MGAT4C: variants seen among roughly 807,000 people sequenced by gnomAD.
MGAT4C encodes MGAT4 family member C.
In MGAT4C, 19 loss-of-function variants were observed where a neutral mutation model predicts 40.1. That is an observed-to-expected ratio of 0.47 (90% CI 0.33 to 0.70). The LOEUF (loss-of-function observed/expected upper bound fraction) is 0.70, where lower values mean the gene tolerates loss of function less well. MGAT4C is among the 30% of genes least tolerant of loss of function. MGAT4C has a pLI of 0.02. For missense variants in MGAT4C, 491 were observed against 563.2 expected (o/e 0.87, Z 1.30); for synonymous variants, 181 against 187.1 (o/e 0.97, Z 0.27).
intron 2 of MGAT4C, among the ~76,000 whole-genome samples, chr12:86,626,955 C>T (rs1468527925): frequency 2.6e-5 from 4 of 152,186 alleles, no homozygotes; most frequent in Non-Finnish European, 5.9e-5. Context: ...GGGGGATTTC[C>T]CTTTCCTAGC....
chr12:86,437,494 C>A (rs1215782920), intron 2 of MGAT4C, among the ~76,000 whole-genome samples: 1 of 151,732 alleles, frequency 6.6e-6, no homozygotes, highest in Non-Finnish European at 1.5e-5. Context: ...CATAACATAT[C>A]ATATTAGTTA....
chr12:86,656,553 T>C (rs1963855377), intron 2 of MGAT4C, among the ~76,000 whole-genome samples: 1 of 152,094 alleles, frequency 6.6e-6, no homozygotes, highest in Non-Finnish European at 1.5e-5. Context: ...GTTTCTGAAC[T>C]GGAATATTTC....
intron 2 of MGAT4C, among the ~76,000 whole-genome samples, chr12:86,640,517 T>C (rs1254245741): frequency 1.3e-5 from 2 of 151,824 alleles, no homozygotes; most frequent in Non-Finnish European, 2.9e-5. Flanking sequence ...GTCTTGCTAG[T>C]GGTCTATCAA....
intron 2 of MGAT4C, among the ~76,000 whole-genome samples, chr12:86,533,478 G>A (rs1959016908): frequency 6.6e-6 from 1 of 151,814 alleles, no homozygotes; most frequent in Admixed American, 6.6e-5. Context: ...CTTCTACTCT[G>A]ACACTGAAAT....
At chr12:86,510,434 A>G (rs1215567063) in intron 2 of MGAT4C, among the ~76,000 whole-genome samples, 2 of 152,214 alleles carry the variant, frequency 1.3e-5, no homozygotes, top group Non-Finnish European at 2.9e-5. Context: ...TGCATCAACT[A>G]ACAGGCAAAC....
At chr12:86,474,958 G>A (rs1957811131) in intron 2 of MGAT4C, among the ~76,000 whole-genome samples, 1 of 152,008 alleles carries the variant, frequency 6.6e-6, no homozygotes, top group African/African-American at 2.4e-5. Flanking sequence ...AACTGATCAA[G>A]TGTCCTAAAA....
At chr12:86,443,891 G>T (rs889005843) in intron 2 of MGAT4C, among the ~76,000 whole-genome samples, 2 of 152,146 alleles carry the variant, frequency 1.3e-5, no homozygotes, top group South Asian at 2.1e-4. Flanking sequence ...ACCATGCCCG[G>T]CCTGTCTACA....
chr12:86,244,139 C>T (rs772149480), intron 1 of MGAT4C, among the ~76,000 whole-genome samples: 5 of 152,184 alleles, frequency 3.3e-5, no homozygotes, highest in Admixed American at 2.0e-4. Context: ...TACGCCTACA[C>T]GCACATAAGC....
chr12:86,165,783 G>C (rs1566077933), intron 1 of MGAT4C, among the ~76,000 whole-genome samples: 1 of 151,994 alleles, frequency 6.6e-6, no homozygotes, highest in Non-Finnish European at 1.5e-5. Context: ...ACTATAATTA[G>C]AAAATGTAAT....
At chr12:86,451,267 A>G (rs1329120731) in intron 2 of MGAT4C, among the ~76,000 whole-genome samples, 2 of 152,084 alleles carry the variant, frequency 1.3e-5, no homozygotes, top group African/African-American at 2.4e-5. Flanking sequence ...TTTGCCATGT[A>G]ATATACAAGC....
intron 1 of MGAT4C, among the ~76,000 whole-genome samples, chr12:86,192,781 A>T (rs1041136231): frequency 6.6e-6 from 1 of 152,190 alleles, no homozygotes; most frequent in African/African-American, 2.4e-5. Flanking sequence ...GATATGTGTT[A>T]AAATCTCCCA....
At position 86,265,120 on chromosome 12, in the gene MGAT4C, G is replaced by A. The variant is rs1003972343; in HGVS notation, c.-57+68945C>T. Among the ~76,000 whole-genome samples, 3 of 143,452 alleles carry A rather than the reference G, an allele frequency of 2.1e-5. No homozygotes were observed. In the East Asian group the frequency reaches 7.2e-4, roughly 34 times the overall value. 94.1% of individuals were successfully genotyped at this position (143,452 alleles called of 152,430 possible). A position where few individuals can be genotyped will look rare whatever the true frequency, so the allele number is the denominator to read the frequency against. On this transcript the variant is annotated intron_variant, in intron 4 of 7. Transcript: ENST00000548651. ...CTGCCCCACCCCCCGACCCCCAGCC[G>A]GCATGCCTGGCTGTGCGCAGTGGCC... is the stretch of plus-strand genomic sequence containing the variant.
At chr12:86,116,443 C>A (rs1014291196) in intron 1 of MGAT4C, among the ~76,000 whole-genome samples, 13 of 151,328 alleles carry the variant, frequency 8.6e-5, no homozygotes, top group Non-Finnish European at 1.0e-4. Context: ...TAAGGTAAAA[C>A]CAACAAGACA....
chr12:86,700,813 A>C (rs117542339), intron 2 of MGAT4C, among the ~76,000 whole-genome samples: 1,608 of 152,196 alleles, frequency 0.011, 15 homozygotes, highest in East Asian at 0.039. Context: ...ACTTCATGTG[A>C]TTCGTTCCAA....
intron 1 of MGAT4C, among the ~76,000 whole-genome samples, chr12:86,070,900 A>T (rs2137035314): frequency 6.6e-6 from 1 of 152,142 alleles, no homozygotes; most frequent in African/African-American, 2.4e-5. Context: ...CACGTTCCTA[A>T]TTTGCCTATG....
At chr12:86,491,560 A>G (rs1251461399) in intron 2 of MGAT4C, among the ~76,000 whole-genome samples, 1 of 152,122 alleles carries the variant, frequency 6.6e-6, no homozygotes, top group Non-Finnish European at 1.5e-5. Context: ...GATTATCTCA[A>G]TAGATGCAGA....
intron 2 of MGAT4C, among the ~76,000 whole-genome samples, chr12:86,673,729 A>G (rs572172948): frequency 1.3e-5 from 2 of 152,264 alleles, no homozygotes; most frequent in East Asian, 1.9e-4. Context: ...CATAAAATAC[A>G]TCTTATTTCA....
At chr12:86,265,107 C>T (rs932793567) in intron 4 of MGAT4C, among the ~76,000 whole-genome samples, 12 of 152,116 alleles carry the variant, frequency 7.9e-5, no homozygotes, top group African/African-American at 2.9e-4. Context: ...GCCCCACCCC[C>T]CGACCCCCAG....
At chr12:86,700,119 G>A (rs1375903217) in intron 2 of MGAT4C, among the ~76,000 whole-genome samples, 1 of 150,630 alleles carries the variant, frequency 6.6e-6, no homozygotes, top group Non-Finnish European at 1.5e-5. Context: ...TAGATAGGTA[G>A]ATAGATAATG....
Sources: allele counts gnomAD v4.1 joint callset (sites outside exome capture counted in the v4.1 genomes callset), GRCh38; gene constraint gnomAD v4.1.1; transcripts MANE v1.5; gene names NCBI Gene and HGNC (gene_info 2026-07-23, HGNC 2026-07-21).